Variants in CFAP95 observed in about 807,000 individuals in gnomAD.
The protein encoded by CFAP95 is cilia- and flagella-associated protein 95.
the CFAP95 span, among the ~76,000 whole-genome samples, chr9:69,899,926 T>C: frequency 6.6e-6 from 1 of 152,194 alleles, no homozygotes; most frequent in Non-Finnish European, 1.5e-5. Flanking sequence ...CCCATAGCCT[T>C]TGCTGATTTT....
At chr9:69,880,051 G>GTT in the CFAP95 span, among the ~76,000 whole-genome samples, 1 of 151,578 alleles carries the variant, frequency 6.6e-6, no homozygotes, top group South Asian at 2.1e-4. Flanking sequence ...GAATACATGA[G>GTT]ATTTTGGTAC....
the CFAP95 span, among the ~76,000 whole-genome samples, chr9:69,841,068 A>G: frequency 6.7e-6 from 1 of 150,108 alleles, no homozygotes; most frequent in East Asian, 2.0e-4. Flanking sequence ...CAGACCATAA[A>G]TATCTTTGCT....
chr9:69,872,227 C>T, the CFAP95 span, among the ~76,000 whole-genome samples: 7 of 152,310 alleles, frequency 4.6e-5, no homozygotes, highest in Admixed American at 2.6e-4. Flanking sequence ...ATCTTTGATG[C>T]TTAAATGTGT....
chr9:69,895,989 C>T, the CFAP95 span, among the ~76,000 whole-genome samples: 1 of 152,116 alleles, frequency 6.6e-6, no homozygotes, highest in South Asian at 2.1e-4. Flanking sequence ...TAAGTTAGGC[C>T]ATGAAGCTAA....
the CFAP95 span, among the ~76,000 whole-genome samples, chr9:69,858,334 G>A: frequency 6.6e-6 from 1 of 152,194 alleles, no homozygotes; most frequent in East Asian, 1.9e-4. Flanking sequence ...AATCCCAACT[G>A]AGGTCGAACA....
chr9:69,900,756 G>C, the CFAP95 span, among the ~76,000 whole-genome samples: 1 of 152,206 alleles, frequency 6.6e-6, no homozygotes, highest in Non-Finnish European at 1.5e-5. Flanking sequence ...GCTCAAGATT[G>C]ATGAGTCTTA....
At chr9:69,852,666 G>A in the CFAP95 span, among the ~76,000 whole-genome samples, 245 of 152,256 alleles carry the variant, frequency 1.6e-3, no homozygotes, top group African/African-American at 5.8e-3. Flanking sequence ...TGGCATCAGA[G>A]GGAAAAGCTT....
chr9:69,878,205 T>C, the CFAP95 span, among the ~76,000 whole-genome samples: 1 of 152,332 alleles, frequency 6.6e-6, no homozygotes, highest in Admixed American at 6.5e-5. Flanking sequence ...TTGTGTTTTA[T>C]TTCTCATTTT....
At chr9:69,860,519 CATCAAAA>C in the CFAP95 span, among the ~76,000 whole-genome samples, 1 of 151,886 alleles carries the variant, frequency 6.6e-6, no homozygotes, top group Admixed American at 6.6e-5. Context: ...GTAGGTCAAA[CATCAAAA>C]ATACATCAGC....
At chr9:69,903,727 T>C in the CFAP95 span, among the ~76,000 whole-genome samples, 1 of 152,200 alleles carries the variant, frequency 6.6e-6, no homozygotes, top group Non-Finnish European at 1.5e-5. Flanking sequence ...GAATTGCTTT[T>C]TCCAATGCAT....
the CFAP95 span, among the ~76,000 whole-genome samples, chr9:69,840,607 T>C: frequency 6.6e-6 from 1 of 152,218 alleles, no homozygotes. Context: ...TTAGAAAGCC[T>C]CAATCATTTT....
At chr9:69,901,989 T>G in the CFAP95 span, among the ~76,000 whole-genome samples, 1 of 152,184 alleles carries the variant, frequency 6.6e-6, no homozygotes, top group African/African-American at 2.4e-5. Context: ...AATGTCTTCT[T>G]TTGAGAAGTG....
At chr9:69,841,197 T>TATATATATATATATA in the CFAP95 span, among the ~76,000 whole-genome samples, 287 of 131,302 alleles carry the variant, frequency 2.2e-3, no homozygotes, top group Non-Finnish European at 2.6e-3. Flanking sequence ...TATATATATA[T>TATATATATATATATA]TTCTGATTTA....
At chr9:69,860,023 A>T in the CFAP95 span, among the ~76,000 whole-genome samples, 1 of 152,228 alleles carries the variant, frequency 6.6e-6, no homozygotes, top group Non-Finnish European at 1.5e-5. Flanking sequence ...GGGTGAGTCC[A>T]TGAGTGAGCA....
the CFAP95 span, among the ~76,000 whole-genome samples, chr9:69,823,807 C>T: frequency 1.3e-5 from 2 of 152,018 alleles, no homozygotes; most frequent in Non-Finnish European, 2.9e-5. Context: ...TGTTCTCTGG[C>T]GGGCAGGAGT....
the CFAP95 span, among the ~76,000 whole-genome samples, chr9:69,843,610 T>C: frequency 2.9e-5 from 2 of 69,824 alleles, no homozygotes; most frequent in Non-Finnish European, 5.0e-5. Context: ...CTTCTTCTTC[T>C]TCTTCTTCTT....
chr9:69,875,745 A>G, the CFAP95 span, among the ~76,000 whole-genome samples: 13 of 152,226 alleles, frequency 8.5e-5, no homozygotes, highest in Non-Finnish European at 1.6e-4. Flanking sequence ...CATTATCTAA[A>G]ATACTCTTCA....
the CFAP95 span, among the ~76,000 whole-genome samples, chr9:69,823,031 C>G: frequency 6.6e-6 from 1 of 152,054 alleles, no homozygotes; most frequent in Non-Finnish European, 1.5e-5. Flanking sequence ...CATTTTCATA[C>G]AGCTATAAAT....
chr9:69,824,685 T>C, the CFAP95 span, among the ~76,000 whole-genome samples: 1 of 152,190 alleles, frequency 6.6e-6, no homozygotes, highest in African/African-American at 2.4e-5. Context: ...GAAAGCTTCA[T>C]TCAGGTTTAA....
Sources: gnomAD v4.1 joint callset for allele counts (sites outside exome capture counted in the v4.1 genomes callset) on GRCh38, gnomAD v4.1.1 for gene constraint, MANE v1.5 for transcripts, NCBI Gene and HGNC (gene_info 2026-07-23, HGNC 2026-07-21) for gene names.